The following TEKT5 variants were observed in gnomAD, a reference collection of about 807,000 sequenced individuals.
The protein encoded by TEKT5 is tektin-5.
In TEKT5, 52 loss-of-function variants were observed where a neutral mutation model predicts 48.7. The ratio of observed to expected loss-of-function variants is 1.07; its 90% CI spans 0.86 to 1.35. TEKT5 has a LOEUF of 1.35. Among genes scored for constraint, TEKT5 ranks in the 40% most tolerant of loss-of-function variants. TEKT5 has a pLI of 0.00. For synonymous variants in TEKT5, 318 were observed against 267.6 expected (o/e 1.19, Z -1.84); for missense variants, 831 against 641.6 (o/e 1.30, Z -3.19).
chr16:10,653,293 A>G (rs1478076087), intron 5 of TEKT5, among the ~76,000 whole-genome samples: 1 of 152,214 alleles, frequency 6.6e-6, no homozygotes, highest in East Asian at 1.9e-4. Flanking sequence ...GTGGTGGCGT[A>G]GACGGCTCAC....
chr16:10,632,307 G>A (rs11641659), intron 6 of TEKT5, among the ~76,000 whole-genome samples: 85,489 of 150,428 alleles, frequency 0.57, 24,743 homozygotes, highest in Non-Finnish European at 0.63. Context: ...TCAGTTTATG[G>A]TTTTTTTTTT....
At chr16:10,654,944 AC>A (rs796414949) in intron 5 of TEKT5, among the ~76,000 whole-genome samples, 11,276 of 67,366 alleles carry the variant, frequency 0.17, 767 homozygotes, top group South Asian at 0.2. Flanking sequence ...CCCCTCCCCC[AC>A]CCCCCCCCCC....
intron 4 of TEKT5, among the ~76,000 whole-genome samples, chr16:10,676,908 G>T (rs557459438): frequency 6.6e-6 from 1 of 152,332 alleles, no homozygotes; most frequent in Admixed American, 6.5e-5. Flanking sequence ...AAACTGGAGG[G>T]CTGGGCCAGC....
chr16:10,681,915 C>A, intron 4 of TEKT5, 78 bp downstream of exon 4: 2 of 1,552,752 alleles, frequency 1.3e-6, no homozygotes, highest in Non-Finnish European at 8.8e-7. Flanking sequence ...GATGCCCCTT[C>A]GCCATTCGTT....
rs1439202237 is a variant in TEKT5 at position 10,676,744 on chromosome 16, G to A, written c.864-563C>T. 3.3e-5 allele frequency among the ~76,000 whole-genome samples: 5 copies of A among 152,170 alleles called. No homozygotes were observed. In the East Asian group the frequency reaches 7.7e-4, roughly 23 times the overall value. On this transcript the variant is annotated intron_variant, in intron 4 of 6. Transcript: ENST00000283025. ...CATGGAATATTTCTTCAACTTCTAC[G>A]ACATGCCAAGCATTGTTCCAGGCAG...
At chr16:10,662,643 T>A (rs916762257) in intron 5 of TEKT5, among the ~76,000 whole-genome samples, 1 of 152,240 alleles carries the variant, frequency 6.6e-6, no homozygotes, top group Non-Finnish European at 1.5e-5. Context: ...CTCCAATACA[T>A]CTGCCTTTCT....
At chr16:10,657,736 C>T (rs538352739) in intron 5 of TEKT5, among the ~76,000 whole-genome samples, 1 of 151,562 alleles carries the variant, frequency 6.6e-6, no homozygotes, top group African/African-American at 2.4e-5. Flanking sequence ...ACTACAGGCG[C>T]CCACCACTAC....
chr16:10,628,798 C>T (rs56039668), intron 6 of TEKT5, among the ~76,000 whole-genome samples: 1 of 150,700 alleles, frequency 6.6e-6, no homozygotes, highest in African/African-American at 2.5e-5. Flanking sequence ...CCCAGCTACT[C>T]GAGAGGCTGA....
chr16:10,651,299 C>T (rs771325946), intron 5 of TEKT5, among the ~76,000 whole-genome samples: 7 of 152,216 alleles, frequency 4.6e-5, no homozygotes, highest in Non-Finnish European at 7.3e-5. Context: ...GCAGCCCTAA[C>T]CAGCCAGCAC....
At chr16:10,686,891 T>C (rs1898870258) in intron 3 of TEKT5, among the ~76,000 whole-genome samples, 1 of 152,136 alleles carries the variant, frequency 6.6e-6, no homozygotes, top group African/African-American at 2.4e-5. Flanking sequence ...CACAACAGAA[T>C]ACTACTCAGC....
At chr16:10,692,284 C>T (rs1898993752) in intron 1 of TEKT5, among the ~76,000 whole-genome samples, 1 of 152,162 alleles carries the variant, frequency 6.6e-6, no homozygotes, top group Non-Finnish European at 1.5e-5. Context: ...GCCCATCATT[C>T]TTCCCAGGGA....
intron 4 of TEKT5, among the ~76,000 whole-genome samples, chr16:10,679,180 G>A (rs959435669): frequency 6.6e-6 from 1 of 152,112 alleles, no homozygotes; most frequent in Non-Finnish European, 1.5e-5. Flanking sequence ...CCCAAAAAAT[G>A]TTTATTATTC....
At chr16:10,659,672 T>TA (rs1235531526) in intron 5 of TEKT5, among the ~76,000 whole-genome samples, 1 of 152,154 alleles carries the variant, frequency 6.6e-6, no homozygotes, top group East Asian at 1.9e-4. Flanking sequence ...TACCTCACTT[T>TA]AAAAAAAGTT....
At chr16:10,670,199 G>A (rs1898527781) in intron 5 of TEKT5, among the ~76,000 whole-genome samples, 1 of 152,206 alleles carries the variant, frequency 6.6e-6, no homozygotes. Flanking sequence ...GGACTATCAG[G>A]CTAAGCTCAA....
intron 6 of TEKT5, among the ~76,000 whole-genome samples, chr16:10,633,701 C>G (rs1202889423): frequency 1.3e-5 from 2 of 152,070 alleles, no homozygotes; most frequent in Non-Finnish European, 2.9e-5. Context: ...TGTCACGATG[C>G]CTGGCTAAGT....
chr16:10,631,407 T>C (rs905944581), intron 6 of TEKT5, among the ~76,000 whole-genome samples: 3 of 150,960 alleles, frequency 2.0e-5, no homozygotes, highest in Non-Finnish European at 2.9e-5. Flanking sequence ...AGTTTCGGGA[T>C]AACCTCCAGG....
chr16:10,658,392 G>C (rs144926848), intron 5 of TEKT5, among the ~76,000 whole-genome samples: 197 of 152,292 alleles, frequency 1.3e-3, no homozygotes, highest in African/African-American at 4.4e-3. Context: ...CCCCACAATA[G>C]ACCACTATCC....
rs549928359 is a variant in TEKT5 at position 10,635,879 on chromosome 16, G to A, written c.1126C>T (p.Leu376=). The A allele has an allele frequency of 9.9e-6, 16 of 1,614,110 alleles. No individual in the cohort carries two copies. The East Asian group carries it at 3.6e-4, about 36-fold the overall frequency. ...EIFQAENTIM[L]LERSIMAKEG... is the part of the protein sequence containing the mutation. ...TTGGCCATGATGGACCTTTCCAGCA[G>A]CATGATGGTGTTCTCGGCCTGGAAG... The change falls in exon 6 of 7, where the codon CTG becomes TTG. Residue 376 remains leucine, a synonymous_variant. Coordinates refer to ENST00000283025, the MANE Select transcript of TEKT5 (RefSeq NM_144674.2).
At position 10,663,042 on chromosome 16, in the gene TEKT5, C is replaced by G. The variant is rs76371485; in HGVS notation, c.1086+12917G>C. Among the ~76,000 whole-genome samples, 518 of 152,302 alleles carry G rather than the reference C, an allele frequency of 3.4e-3. 15 individuals are homozygous for G. The East Asian group carries it at 0.07, about 20-fold the overall frequency. On this transcript the variant is annotated intron_variant, in intron 5 of 6. Transcript: ENST00000283025. ...CGGAAGCAAATCTCCACTCCATCCACCCACTCACCCTCAACCCTGCACCCA... is the reference window on the plus strand; with the variant it reads ...CGGAAGCAAATCTCCACTCCATCCAGCCACTCACCCTCAACCCTGCACCCA...
Sources: allele counts gnomAD v4.1 joint callset (sites outside exome capture counted in the v4.1 genomes callset), GRCh38; gene constraint gnomAD v4.1.1; transcripts MANE v1.5; gene names NCBI Gene and HGNC (gene_info 2026-07-23, HGNC 2026-07-21).